The following AKAP6 variants were observed in gnomAD, a reference collection of about 807,000 sequenced individuals.
AKAP6 encodes the protein A-kinase anchoring protein 6, also known as A-kinase anchor protein 6.
A neutral mutation model predicts 188.5 loss-of-function variants in AKAP6; 58 were observed. The observed-to-expected ratio is 0.31, with a 90% confidence interval of 0.25 to 0.38. The LOEUF (loss-of-function observed/expected upper bound fraction) is 0.38, where lower values mean the gene tolerates loss of function less well. AKAP6 is among the 10% of genes least tolerant of loss of function. AKAP6 has a pLI of 1.00. For missense variants in AKAP6, 2,710 were observed against 2,740.0 expected (o/e 0.99, Z 0.24); for synonymous variants, 989 against 998.6 (o/e 0.99, Z 0.18).
chr14:32,341,564 G>A (rs906201410), intron 1 of AKAP6, among the ~76,000 whole-genome samples: 3 of 152,138 alleles, frequency 2.0e-5, no homozygotes, highest in Non-Finnish European at 4.4e-5. Flanking sequence ...GATAGATTGG[G>A]GATTGAATTC....
At position 32,799,333 on chromosome 14, in the gene AKAP6, A is replaced by AT. The variant is rs553687108; in HGVS notation, c.3589-22062dup. Among the ~76,000 whole-genome samples the AT allele has an allele frequency of 6.6e-5, 10 of 151,894 alleles. No homozygotes were observed. In the South Asian group the frequency reaches 1.9e-3, roughly 28 times the overall value. On this transcript the variant is annotated intron_variant, in intron 12 of 13. Transcript: ENST00000280979. ...TGACTTTTATGCTCTTATTTTTAAT[A>AT]TTTTTTTCTTCTGCTTCATTTAGGC...
intron 7 of AKAP6, among the ~76,000 whole-genome samples, chr14:32,662,136 T>G (rs1888729428): frequency 6.6e-6 from 1 of 152,120 alleles, no homozygotes; most frequent in African/African-American, 2.4e-5. Flanking sequence ...CATAGTATAA[T>G]AGATTATTTG....
intron 7 of AKAP6, among the ~76,000 whole-genome samples, chr14:32,672,945 A>G (rs74041659): frequency 0.03 from 4,520 of 152,290 alleles, 228 homozygotes; most frequent in African/African-American, 0.1. Flanking sequence ...AGAAATGACA[A>G]TAGCTTCCGC....
intron 12 of AKAP6, among the ~76,000 whole-genome samples, chr14:32,781,340 C>T (rs2033244666): frequency 7.0e-6 from 1 of 143,090 alleles, no homozygotes; most frequent in Non-Finnish European, 1.5e-5. Flanking sequence ...AAGAGTGAAA[C>T]TTACTCTCAA....
At chr14:32,351,597 G>A (rs1392120882) in intron 1 of AKAP6, among the ~76,000 whole-genome samples, 1 of 151,420 alleles carries the variant, frequency 6.6e-6, no homozygotes, top group East Asian at 1.9e-4. Flanking sequence ...ATTACCTGCT[G>A]TGCTCTAAAC....
intron 2 of AKAP6, among the ~76,000 whole-genome samples, chr14:32,511,095 C>A (rs139752497): frequency 6.6e-6 from 1 of 152,190 alleles, no homozygotes; most frequent in African/African-American, 2.4e-5. Flanking sequence ...ACAAGCAACA[C>A]GGACAAAGTT....
intron 1 of AKAP6, among the ~76,000 whole-genome samples, chr14:32,390,099 C>T (rs111996581): frequency 0.015 from 2,352 of 152,162 alleles, 58 homozygotes; most frequent in African/African-American, 0.053. Flanking sequence ...ACGTTGTCTT[C>T]GAGCTCTGAA....
At chr14:32,763,648 T>C (rs1238291573) in intron 11 of AKAP6, among the ~76,000 whole-genome samples, 1 of 152,168 alleles carries the variant, frequency 6.6e-6, no homozygotes, top group Non-Finnish European at 1.5e-5. Context: ...GAAGATACAT[T>C]GATATAATTG....
chr14:32,815,021 C>T (rs914671567), intron 12 of AKAP6, among the ~76,000 whole-genome samples: 2 of 152,236 alleles, frequency 1.3e-5, no homozygotes, highest in Non-Finnish European at 2.9e-5. Flanking sequence ...AAAACCCCTG[C>T]TTCCCATTAC....
At chr14:32,427,917 T>C (rs1028585870) in intron 1 of AKAP6, among the ~76,000 whole-genome samples, 1 of 152,254 alleles carries the variant, frequency 6.6e-6, no homozygotes, top group Non-Finnish European at 1.5e-5. Context: ...ACTAGAATTA[T>C]GCTTTAATCA....
intron 11 of AKAP6, among the ~76,000 whole-genome samples, chr14:32,741,575 A>C (rs1180990403): frequency 6.6e-6 from 1 of 151,568 alleles, no homozygotes; most frequent in Non-Finnish European, 1.5e-5. Flanking sequence ...CCATGTAGGG[A>C]TGTTGAATTC....
chr14:32,540,168 CTATATA>C (rs61668961), intron 3 of AKAP6, among the ~76,000 whole-genome samples: 232 of 60,922 alleles, frequency 3.8e-3, no homozygotes, highest in East Asian at 0.024. Flanking sequence ...CTCTCTCTCT[CTATATA>C]TATATATATA....
At chr14:32,786,693 A>T (rs796872723) in intron 12 of AKAP6, among the ~76,000 whole-genome samples, 2 of 152,036 alleles carry the variant, frequency 1.3e-5, no homozygotes, top group African/African-American at 4.8e-5. Flanking sequence ...TAACTCTCAT[A>T]TAAGTCCTCT....
At chr14:32,412,065 A>G (rs1394881523) in intron 1 of AKAP6, among the ~76,000 whole-genome samples, 9 of 152,160 alleles carry the variant, frequency 5.9e-5, no homozygotes, top group Non-Finnish European at 1.2e-4. Context: ...AAGTTCCTTT[A>G]TTACATAAAA....
intron 2 of AKAP6, among the ~76,000 whole-genome samples, chr14:32,507,721 G>T (rs891765532): frequency 3.3e-5 from 5 of 152,220 alleles, no homozygotes; most frequent in African/African-American, 1.2e-4. Flanking sequence ...GCCTGGGACA[G>T]GCATTGTAGA....
chr14:32,403,488 G>A (rs1174762795), intron 1 of AKAP6: 1 of 152,212 alleles, frequency 6.6e-6, no homozygotes, highest in Admixed American at 6.5e-5. Context: ...ACTGCGTTCT[G>A]AAGTTCTGGT....
chr14:32,797,089 CG>C (rs2033793297), intron 12 of AKAP6, among the ~76,000 whole-genome samples: 1 of 152,134 alleles, frequency 6.6e-6, no homozygotes. Flanking sequence ...TACCATCTCA[CG>C]CCAGTCAGAA....
At chr14:32,687,422 CTCTCTCTCTCTCTCTCTCTT>C (rs1161397997) in intron 8 of AKAP6, among the ~76,000 whole-genome samples, 1 of 149,230 alleles carries the variant, frequency 6.7e-6, no homozygotes, top group African/African-American at 2.5e-5. Context: ...CTCTCTCTCT[CTCTCTCTCTCTCTCTCTCTT>C]TCTCTCTTTC....
chr14:32,336,126 G>A (rs542730695), intron 1 of AKAP6, among the ~76,000 whole-genome samples: 138 of 152,112 alleles, frequency 9.1e-4, no homozygotes, highest in Non-Finnish European at 1.6e-3. Flanking sequence ...ACAGTGAGAA[G>A]TGGCTGTGTT....
Sources: allele counts gnomAD v4.1 joint callset (sites outside exome capture counted in the v4.1 genomes callset), GRCh38; gene constraint gnomAD v4.1.1; transcripts MANE v1.5; gene names NCBI Gene and HGNC (gene_info 2026-07-23, HGNC 2026-07-21).